The following TTC27 variants were observed in gnomAD, a reference collection of about 807,000 sequenced individuals.
The protein encoded by TTC27 is tetratricopeptide repeat protein 27.
Under a neutral mutation model 115.9 loss-of-function variants are expected in TTC27, and 79 were observed. The ratio of observed to expected loss-of-function variants is 0.68; its 90% CI spans 0.57 to 0.82. TTC27 has a LOEUF of 0.82. TTC27 is among the 40% of genes least tolerant of loss of function. TTC27 has a pLI of 0.00. For missense variants in TTC27, 1,054 were observed against 993.1 expected (o/e 1.06, Z -0.82); for synonymous variants, 401 against 356.0 (o/e 1.13, Z -1.42).
At chr2:32,704,582 C>T (rs1205750875) in intron 10 of TTC27, among the ~76,000 whole-genome samples, 2 of 152,124 alleles carry the variant, frequency 1.3e-5, no homozygotes, top group Non-Finnish European at 2.9e-5. Flanking sequence ...CGTGAGATCT[C>T]GTTTAGGCTT....
At chr2:32,734,823 A>C (rs1308207414) in intron 11 of TTC27, among the ~76,000 whole-genome samples, 1 of 152,244 alleles carries the variant, frequency 6.6e-6, no homozygotes, top group African/African-American at 2.4e-5. Flanking sequence ...ATACCAGCTA[A>C]TAACAACCAA....
chr2:32,746,302 C>T (rs896423952), intron 12 of TTC27, among the ~76,000 whole-genome samples: 5 of 151,674 alleles, frequency 3.3e-5, no homozygotes, highest in African/African-American at 9.7e-5. Flanking sequence ...TGGCTCACGC[C>T]GGTAATCCCA....
chr2:32,804,000 C>T (rs1352151672), intron 16 of TTC27, among the ~76,000 whole-genome samples: 1 of 144,662 alleles, frequency 6.9e-6, no homozygotes, highest in African/African-American at 2.6e-5. Flanking sequence ...GAGCGAGACT[C>T]CATCTCAATT....
intron 19 of TTC27, among the ~76,000 whole-genome samples, chr2:32,818,433 G>A (rs1388341427): frequency 1.3e-5 from 2 of 152,162 alleles, no homozygotes; most frequent in African/African-American, 4.8e-5. Context: ...ACTGAAATAC[G>A]CCATTAGTTC....
chr2:32,646,395 G>A (rs947583371), intron 4 of TTC27, among the ~76,000 whole-genome samples: 4 of 151,742 alleles, frequency 2.6e-5, no homozygotes, highest in Non-Finnish European at 4.4e-5. Context: ...TCTGAAACTC[G>A]TGGCTTCAAG....
intron 18 of TTC27, among the ~76,000 whole-genome samples, chr2:32,814,700 C>T (rs1671439032): frequency 1.3e-5 from 2 of 152,158 alleles, no homozygotes; most frequent in South Asian, 4.1e-4. Flanking sequence ...CAAATACTTA[C>T]CATTGTGTTC....
At chr2:32,629,620 T>C (rs1349227470) in intron 1 of TTC27, among the ~76,000 whole-genome samples, 1 of 150,476 alleles carries the variant, frequency 6.6e-6, no homozygotes, top group Non-Finnish European at 1.5e-5. Context: ...TTTGTATTTT[T>C]AGTAGAGACG....
chr2:32,760,757 C>T (rs1457688630), intron 13 of TTC27, among the ~76,000 whole-genome samples: 1 of 152,188 alleles, frequency 6.6e-6, no homozygotes, highest in African/African-American at 2.4e-5. Context: ...TGAGTTCCCT[C>T]GCTTAGCCTG....
chr2:32,686,638 G>A (rs2151892952), intron 9 of TTC27, among the ~76,000 whole-genome samples: 1 of 152,080 alleles, frequency 6.6e-6, no homozygotes, highest in African/African-American at 2.4e-5. Flanking sequence ...TGGAGTTACA[G>A]GCATGAGCCA....
chr2:32,765,980 C>T (rs1669612293), intron 13 of TTC27, among the ~76,000 whole-genome samples: 1 of 152,194 alleles, frequency 6.6e-6, no homozygotes, highest in African/African-American at 2.4e-5. Context: ...TTCCCCGTAT[C>T]AGCAATAAGG....
chr2:32,719,416 C>T (rs1434186527), intron 10 of TTC27, among the ~76,000 whole-genome samples: 1 of 152,164 alleles, frequency 6.6e-6, no homozygotes, highest in Non-Finnish European at 1.5e-5. Context: ...ATATGGGAAA[C>T]TTATATTAGC....
intron 13 of TTC27, among the ~76,000 whole-genome samples, chr2:32,768,238 G>A (rs1481072804): frequency 6.6e-6 from 1 of 151,968 alleles, no homozygotes; most frequent in Non-Finnish European, 1.5e-5. Context: ...TTACTTTAAT[G>A]TAGTTTTATT....
At chr2:32,815,646 G>A (rs914285135) in intron 18 of TTC27, among the ~76,000 whole-genome samples, 1 of 151,990 alleles carries the variant, frequency 6.6e-6, no homozygotes, top group African/African-American at 2.4e-5. Flanking sequence ...CTTTACTTTT[G>A]TTTTTGTCAG....
intron 10 of TTC27, among the ~76,000 whole-genome samples, chr2:32,716,557 G>C (rs1270133948): frequency 6.6e-6 from 1 of 151,978 alleles, no homozygotes; most frequent in Non-Finnish European, 1.5e-5. Context: ...AGAATCTGTT[G>C]ATTCCACACT....
rs574105929 is a variant in TTC27, at chr2:32,796,853, A to G, written c.1998+9704A>G. ...AGCTCAGAAATCTGTGTATATGGTC[A>G]AAGGATTTTTTTTTCTTTTTTTAAG... On this transcript the variant is annotated intron_variant, in intron 16 of 19. Coordinates refer to ENST00000317907, the MANE Select transcript of TTC27 (RefSeq NM_017735.5). 2.0e-5 allele frequency among the ~76,000 whole-genome samples: 3 copies of G among 152,210 alleles called. No individual in the cohort carries two copies. The East Asian group carries it at 5.8e-4, about 29-fold the overall frequency.
chr2:32,768,392 T>C lies in TTC27; in HGVS notation c.1681-9490T>C, dbSNP rs563443712. Among the ~76,000 whole-genome samples the C allele has an allele frequency of 7.9e-5, 12 of 152,378 alleles. 1 individual carries two copies. The East Asian group carries it at 2.3e-3, about 29-fold the overall frequency. The stretch of plus-strand genomic sequence containing the variant: ...ACCGTGTAATTTAAATTATTTTCTT[T>C]AGTGCTCTGGTTCACTTTCAAAAGT... On this transcript the variant is annotated intron_variant, in intron 13 of 19. Transcript: ENST00000317907.
At chr2:32,635,255 T>A (rs1664373552) in intron 3 of TTC27, 1 of 153,462 alleles carries the variant, frequency 6.5e-6, no homozygotes, top group Non-Finnish European at 1.5e-5. Context: ...CCAGCCACTT[T>A]GGTGATTTTG....
chr2:32,798,061 T>C (rs960035209), intron 16 of TTC27, among the ~76,000 whole-genome samples: 8 of 148,354 alleles, frequency 5.4e-5, no homozygotes, highest in African/African-American at 1.8e-4. Flanking sequence ...TCAAATGAGA[T>C]ACCACCTTAC....
intron 1 of TTC27, 93 bp from the exon 2 acceptor site, chr2:32,630,430 A>C (rs1187558770): frequency 5.2e-6 from 5 of 970,662 alleles, no homozygotes; most frequent in Admixed American, 2.7e-5. Context: ...TTGTTTTTGC[A>C]CACTAAAATG....
Sources: gnomAD v4.1 joint callset for allele counts (sites outside exome capture counted in the v4.1 genomes callset) on GRCh38, gnomAD v4.1.1 for gene constraint, MANE v1.5 for transcripts, NCBI Gene and HGNC (gene_info 2026-07-23, HGNC 2026-07-21) for gene names.